CYP27A1: variants seen among roughly 807,000 people sequenced by gnomAD.
The protein encoded by CYP27A1 is sterol 26-hydroxylase, mitochondrial.
A neutral mutation model predicts 58.2 loss-of-function variants in CYP27A1; 46 were observed. The observed-to-expected ratio is 0.79, with a 90% CI of 0.62 to 1.01. CYP27A1 has a LOEUF of 1.01. CYP27A1 is among the 50% of genes least tolerant of loss of function. The pLI is 0.00. For missense variants in CYP27A1, 704 were observed against 687.0 expected, an observed-to-expected ratio of 1.02 and a Z score of -0.28; for synonymous variants, 274 against 285.1, an observed-to-expected ratio of 0.96 and a Z score of 0.39.
At chr2:218,806,551 T>C (rs1160859242) in intron 1 of CYP27A1, among the ~76,000 whole-genome samples, 3 of 152,248 alleles carry the variant, frequency 2.0e-5, no homozygotes, top group Admixed American at 1.3e-4. Context: ...TGGGTTGTTA[T>C]TGCATAATAT....
intron 1 of CYP27A1, among the ~76,000 whole-genome samples, chr2:218,787,198 C>A (rs1943448986): frequency 6.6e-6 from 1 of 152,164 alleles, no homozygotes; most frequent in Non-Finnish European, 1.5e-5. Flanking sequence ...CCCCAAGTGC[C>A]AGGCACGGTC....
intron 4 of CYP27A1, 38 bp from the exon 5 acceptor site, chr2:218,812,886 T>C (rs1943738978): frequency 6.2e-7 from 1 of 1,613,916 alleles, no homozygotes; most frequent in African/African-American, 1.3e-5. Context: ...ATCATGACTT[T>C]TGGCTTTGTC....
At chr2:218,798,435 G>C (rs1440524215) in intron 1 of CYP27A1, among the ~76,000 whole-genome samples, 1 of 152,188 alleles carries the variant, frequency 6.6e-6, no homozygotes, top group Non-Finnish European at 1.5e-5. Flanking sequence ...GTAAAGCCTG[G>C]TAAATTGTTT....
intron 1 of CYP27A1, among the ~76,000 whole-genome samples, chr2:218,794,657 A>G (rs532354516): frequency 1.8e-4 from 27 of 152,208 alleles, no homozygotes; most frequent in Non-Finnish European, 3.4e-4. Flanking sequence ...TGAACCAGCC[A>G]GTTTAAGGTT....
rs532134925 is a variant in CYP27A1 at position 218,812,718 on chromosome 2, C to T, written c.813C>T (p.Tyr271=). The stretch of plus-strand genomic sequence containing the variant: ...CCGTGCTGCCTTTCTGGAAGCGATA[C>T]CTGGATGGTTGGAATGCCATCTTTT... ...TRPVLPFWKR[Y]LDGWNAIFSF... is the part of the protein sequence containing the mutation. The change falls in exon 4 of 9, where the codon TAC becomes TAT. Residue 271 remains tyrosine, a synonymous_variant. Transcript: ENST00000258415. 2 of 1,614,192 alleles carry T rather than the reference C, an allele frequency of 1.2e-6. No individual in the cohort carries two copies. The highest frequency in any genetic ancestry group is 1.7e-6 in the Non-Finnish European group (2 of 1,180,040).
chr2:218,808,069 G>A lies in CYP27A1; in HGVS notation c.256-1508G>A, dbSNP rs1389137703. On this transcript the variant is annotated intron_variant, in intron 1 of 8. Transcript: ENST00000258415. ...GATATCTTTCTGTATTAGTACACAAGGAATTTCTTCATCCCTTTTTAAGGT... is the reference window on the plus strand; with the variant it reads ...GATATCTTTCTGTATTAGTACACAAAGAATTTCTTCATCCCTTTTTAAGGT... 2.0e-5 allele frequency among the ~76,000 whole-genome samples: 3 copies of A among 152,084 alleles called. No individual in the cohort carries two copies. In the East Asian group the frequency reaches 5.8e-4, roughly 29 times the overall value.
Position 218,814,659 on chromosome 2 carries a change from A to C in CYP27A1, c.1378A>C (p.Ile460Leu). Residue 460 changes from isoleucine (I) to leucine (L), a missense_variant, in exon 8 of 9, where the codon ATC (isoleucine) becomes CTC (leucine). Transcript: ENST00000258415. ...AAACAGCCAGCCTGCTACCCCCAGG[A>C]TCCAGCACCCATTTGGCTCTGTGCC... ...LRNSQPATPRIQHPFGSVPFG... is the reference protein window; with the variant it reads ...LRNSQPATPRLQHPFGSVPFG... The C allele has an allele frequency of 6.2e-7, 1 of 1,614,172 alleles. No individual in the cohort carries two copies. Among genetic ancestry groups the C allele is most frequent in the Non-Finnish European group, 8.5e-7 (1 of 1,180,018 alleles).
At chr2:218,794,707 G>A (rs1326572009) in intron 1 of CYP27A1, among the ~76,000 whole-genome samples, 3 of 152,138 alleles carry the variant, frequency 2.0e-5, no homozygotes, top group East Asian at 1.9e-4. Context: ...ATGCATCTGA[G>A]GGGAGTGTCC....
chr2:218,785,199 T>C (rs1943429746), intron 1 of CYP27A1, among the ~76,000 whole-genome samples: 1 of 152,256 alleles, frequency 6.6e-6, no homozygotes, highest in South Asian at 2.1e-4. Context: ...CCCTCACATA[T>C]GCAGTTCACA....
In CYP27A1 at chr2:218,814,128, C is replaced by G. The variant is rs202049251; in HGVS notation, c.1125C>G (p.Pro375=). 6.2e-6 allele frequency: 10 copies of G among 1,614,238 alleles called. No individual in the cohort carries two copies. In the East Asian group the frequency reaches 2.2e-4, roughly 36 times the overall value. ...VVGVVPAGQV[P]QHKDFAHMPL... is the part of the protein sequence containing the mutation. ...GTGTGGTGCCAGCCGGGCAAGTGCC[C>G]CAGCACAAGGACTTTGCCCACATGC... Residue 375 remains proline, a synonymous_variant, in exon 6 of 9, where the codon CCC becomes CCG. Coordinates refer to ENST00000258415, the MANE Select transcript of CYP27A1 (RefSeq NM_000784.4).
chr2:218,813,331 C>T (rs539150628), intron 5 of CYP27A1, among the ~76,000 whole-genome samples: 215 of 152,352 alleles, frequency 1.4e-3, no homozygotes, highest in African/African-American at 4.8e-3. Context: ...CCTCCTCACT[C>T]TCTCTGACAG....
At position 218,809,569 on chromosome 2, in the gene CYP27A1, C is replaced by A. The variant is rs1416013036; in HGVS notation, c.256-8C>A. Reference sequence around the variant, plus strand: ...GCCCAGTTATTCAGTTTTGATTGAACTCCACAGGTGCTTTACAAGGCCAAG... The same window carrying A: ...GCCCAGTTATTCAGTTTTGATTGAAATCCACAGGTGCTTTACAAGGCCAAG... On this transcript the variant is annotated splice_polypyrimidine_tract_variant and splice_region_variant and intron_variant, in intron 1 of 8. Transcript: ENST00000258415. 2 of 1,533,936 alleles carry A rather than the reference C, an allele frequency of 1.3e-6. No homozygotes were observed. The highest frequency in any genetic ancestry group is 5.3e-5 in the East Asian group (2 of 38,028).
chr2:218,814,575 T>TC lies in CYP27A1; in HGVS notation c.1297dup (p.Arg433ProfsTer8). ...GTTTGTGTTCTGCCACTATGTGGTG[T>TC]CCCGGGACCCCACTGCCTTCTCTGA... On this transcript the variant is annotated frameshift_variant, in exon 8 of 9. Transcript: ENST00000258415. LOFTEE classifies it high-confidence loss of function. 4 of 1,614,196 alleles carry TC rather than the reference T, an allele frequency of 2.5e-6. No individual in the cohort carries two copies. Among genetic ancestry groups the TC allele is most frequent in the Non-Finnish European group, 3.4e-6 (4 of 1,180,028 alleles).
At chr2:218,811,732 C>T (rs1308288274) in intron 2 of CYP27A1, among the ~76,000 whole-genome samples, 1 of 152,234 alleles carries the variant, frequency 6.6e-6, no homozygotes, top group East Asian at 1.9e-4. Flanking sequence ...ATTCCTCAGC[C>T]TCTGCAGCTC....
chr2:218,786,910 T>C (rs1237863291), intron 1 of CYP27A1, among the ~76,000 whole-genome samples: 5 of 152,030 alleles, frequency 3.3e-5, no homozygotes, highest in Admixed American at 2.6e-4. Flanking sequence ...TCCTCTCACA[T>C]CAGCCTCCCA....
chr2:218,783,272 A>G (rs1026178271), intron 1 of CYP27A1, among the ~76,000 whole-genome samples: 22 of 151,092 alleles, frequency 1.5e-4, no homozygotes, highest in South Asian at 2.1e-4. Context: ...AAAAAAAAAA[A>G]AAAAGAAAAA....
chr2:218,813,317 G>T (rs916687077), intron 5 of CYP27A1, among the ~76,000 whole-genome samples: 14 of 152,162 alleles, frequency 9.2e-5, no homozygotes, highest in African/African-American at 3.1e-4. Context: ...ATCACCTCCT[G>T]GAGCCTCCTC....
chr2:218,807,062 C>T (rs1203182510), intron 1 of CYP27A1, among the ~76,000 whole-genome samples: 3 of 146,346 alleles, frequency 2.0e-5, no homozygotes, highest in Admixed American at 1.4e-4. Flanking sequence ...CGGGTTCAAG[C>T]GATTCTCCTG....
chr2:218,793,006 T>C (rs1943510957), intron 1 of CYP27A1, among the ~76,000 whole-genome samples: 1 of 152,202 alleles, frequency 6.6e-6, no homozygotes. Flanking sequence ...TTGACCAAAA[T>C]AGAATCACAG....
Sources: allele counts gnomAD v4.1 joint callset (sites outside exome capture counted in the v4.1 genomes callset), GRCh38; gene constraint gnomAD v4.1.1; transcripts MANE v1.5; gene names NCBI Gene and HGNC (gene_info 2026-07-23, HGNC 2026-07-21).